Variants in TFPI observed in about 807,000 individuals in gnomAD.
TFPI encodes the protein tissue factor pathway inhibitor.
Under a neutral mutation model 34.6 loss-of-function variants are expected in TFPI, and 15 were observed. The observed-to-expected ratio is 0.43, with a 90% CI of 0.29 to 0.67. The LOEUF (loss-of-function observed/expected upper bound fraction) is 0.67, where lower values mean the gene tolerates loss of function less well. TFPI is among the 30% of genes least tolerant of loss of function. The probability of loss-of-function intolerance (pLI) is 0.15; values close to 1 mark genes in which losing one functional copy is unlikely to be tolerated. For missense variants in TFPI, 301 were observed against 364.0 expected (o/e 0.83, Z 1.41); for synonymous variants, 105 against 120.1 (o/e 0.87, Z 0.82).
At chr2:187,540,890 CAAA>C (rs56921212) in intron 1 of TFPI, among the ~76,000 whole-genome samples, 4 of 84,762 alleles carry the variant, frequency 4.7e-5, no homozygotes, top group Non-Finnish European at 4.7e-5. Flanking sequence ...GACTCCATCT[CAAA>C]AAAAAAAAAA....
At chr2:187,538,113 A>AG (rs1688366145) in intron 1 of TFPI, among the ~76,000 whole-genome samples, 1 of 152,222 alleles carries the variant, frequency 6.6e-6, no homozygotes, top group Non-Finnish European at 1.5e-5. Context: ...GTGGAGTAAT[A>AG]GGAATGCTTT....
chr2:187,529,211 A>G (rs1687834211), intron 1 of TFPI, among the ~76,000 whole-genome samples: 1 of 152,236 alleles, frequency 6.6e-6, no homozygotes, highest in South Asian at 2.1e-4. Context: ...TATCACTTCC[A>G]AACAGCCAAT....
At chr2:187,510,039 C>T (rs1187406054) in intron 1 of TFPI, among the ~76,000 whole-genome samples, 1 of 152,156 alleles carries the variant, frequency 6.6e-6, no homozygotes, top group Admixed American at 6.5e-5. Flanking sequence ...CACACCCCTG[C>T]CCCTTTCAAG....
Position 187,467,769 on chromosome 2 carries a change from C to T in TFPI, c.792G>A (p.Leu264=). Residue 264 remains leucine, a synonymous_variant, in exon 7 of 8, where the codon CTG becomes CTA. Transcript: ENST00000233156. ...ENNFTSKQEC[L]RACKKGFIQR... ...CTTCTATACCTTTTTTACATGCCCTCAGACATTCTTGTTTGGAAGTAAAAT... is the reference window on the plus strand; with the variant it reads ...CTTCTATACCTTTTTTACATGCCCTTAGACATTCTTGTTTGGAAGTAAAAT... 1 of 1,608,882 alleles carries T rather than the reference C, an allele frequency of 6.2e-7. No individual in the cohort carries two copies. The highest frequency in any genetic ancestry group is 8.5e-7 in the Non-Finnish European group (1 of 1,177,558).
chr2:187,537,108 A>C (rs1688302771), intron 1 of TFPI, among the ~76,000 whole-genome samples: 1 of 152,226 alleles, frequency 6.6e-6, no homozygotes, highest in Non-Finnish European at 1.5e-5. Flanking sequence ...ATGGAAAAAC[A>C]GTTCATGCTC....
intron 1 of TFPI, among the ~76,000 whole-genome samples, chr2:187,525,478 A>C: frequency 6.6e-6 from 1 of 150,682 alleles, no homozygotes; most frequent in African/African-American, 2.4e-5. Context: ...TCTCTTTCTC[A>C]GCTCTTCCTT....
intron 6 of TFPI, among the ~76,000 whole-genome samples, chr2:187,471,816 G>T (rs868713711): frequency 1.3e-5 from 2 of 151,926 alleles, no homozygotes; most frequent in African/African-American, 2.4e-5. Flanking sequence ...AATCTTTACT[G>T]TGGTATCTTT....
chr2:187,507,410 C>T (rs1399747016), intron 1 of TFPI, among the ~76,000 whole-genome samples: 2 of 151,672 alleles, frequency 1.3e-5, no homozygotes, highest in South Asian at 2.1e-4. Flanking sequence ...CTGGGTCAAA[C>T]GGTATTTCTG....
At chr2:187,490,214 G>T (rs924061057) in intron 3 of TFPI, among the ~76,000 whole-genome samples, 1 of 151,658 alleles carries the variant, frequency 6.6e-6, no homozygotes, top group Non-Finnish European at 1.5e-5. Context: ...TCTTCTGGGT[G>T]TGCAAGGAGA....
At chr2:187,523,634 T>C (rs1687529534) in intron 1 of TFPI, among the ~76,000 whole-genome samples, 1 of 152,146 alleles carries the variant, frequency 6.6e-6, no homozygotes, top group South Asian at 2.1e-4. Flanking sequence ...TAGCTGTCTA[T>C]GGGTTTCAAC....
intron 2 of TFPI, among the ~76,000 whole-genome samples, chr2:187,499,008 A>G (rs901567122): frequency 2.6e-5 from 4 of 152,058 alleles, no homozygotes; most frequent in Non-Finnish European, 5.9e-5. Context: ...AAATAATTTT[A>G]AACCAATAAC....
At chr2:187,470,008 A>G (rs2268300) in intron 6 of TFPI, among the ~76,000 whole-genome samples, 3,454 of 152,226 alleles carry the variant, frequency 0.023, 215 homozygotes, top group East Asian at 0.19. Context: ...GTTATCACCT[A>G]TGTTCAGAAA....
At chr2:187,519,917 T>C in intron 1 of TFPI, 1 of 152,368 alleles carries the variant, frequency 6.6e-6, no homozygotes, top group Non-Finnish European at 1.5e-5. Flanking sequence ...TTCGCCCAGT[T>C]GGAACTTCCC....
At chr2:187,553,000 AT>A (rs1327539021) in intron 1 of TFPI, among the ~76,000 whole-genome samples, 5 of 152,090 alleles carry the variant, frequency 3.3e-5, no homozygotes, top group Non-Finnish European at 7.4e-5. Context: ...ACAAATTAAC[AT>A]TTCAAACTCA....
chr2:187,521,273 C>A (rs1258546269), intron 1 of TFPI, among the ~76,000 whole-genome samples: 1 of 152,034 alleles, frequency 6.6e-6, no homozygotes, highest in Non-Finnish European at 1.5e-5. Flanking sequence ...AGCAGAATCT[C>A]CTATTTTAAG....
intron 2 of TFPI, among the ~76,000 whole-genome samples, chr2:187,503,076 C>A (rs1170008930): frequency 2.6e-5 from 4 of 151,946 alleles, no homozygotes; most frequent in Non-Finnish European, 4.4e-5. Flanking sequence ...ACAGTCTTCT[C>A]CTTGCTCTAT....
chr2:187,549,145 C>T (rs1295775594), intron 1 of TFPI, among the ~76,000 whole-genome samples: 1 of 151,924 alleles, frequency 6.6e-6, no homozygotes, highest in Non-Finnish European at 1.5e-5. Context: ...GTTCACATAG[C>T]TACAACATCA....
At chr2:187,532,793 T>C (rs1688035958) in intron 1 of TFPI, among the ~76,000 whole-genome samples, 1 of 152,108 alleles carries the variant, frequency 6.6e-6, no homozygotes, top group South Asian at 2.1e-4. Flanking sequence ...TGAGTGGATC[T>C]CAGCCCCATG....
chr2:187,510,741 C>T (rs570501342), intron 1 of TFPI, among the ~76,000 whole-genome samples: 1 of 152,178 alleles, frequency 6.6e-6, no homozygotes, highest in African/African-American at 2.4e-5. Context: ...TGCATGCAGC[C>T]CCCAGTCACG....
Sources: gnomAD v4.1 joint callset for allele counts (sites outside exome capture counted in the v4.1 genomes callset) on GRCh38, gnomAD v4.1.1 for gene constraint, MANE v1.5 for transcripts, NCBI Gene and HGNC (gene_info 2026-07-23, HGNC 2026-07-21) for gene names.